The following ADGRL2 variants were observed in gnomAD, a reference collection of about 807,000 sequenced individuals.
ADGRL2 encodes calcium-independent alpha-latrotoxin receptor 2.
In ADGRL2, 44 loss-of-function variants were observed where a neutral mutation model predicts 157.4. That is an observed-to-expected ratio of 0.28 (90% confidence interval 0.22 to 0.36). The LOEUF is 0.36. Ranked by LOEUF, ADGRL2 falls within the 10% of genes least tolerant of loss-of-function variation. The pLI, the probability that ADGRL2 is intolerant of heterozygous loss-of-function variation, is 1.00. For missense variants in ADGRL2, 1,510 were observed against 1,768.9 expected (o/e 0.85, Z 2.63); for synonymous variants, 585 against 624.7 (o/e 0.94, Z 0.95).
chr1:81,324,138 G>A lies in ADGRL2; in HGVS notation c.-302+17629G>A, dbSNP rs542164569. 2.1e-4 allele frequency among the ~76,000 whole-genome samples: 32 copies of A among 152,244 alleles called. 1 individual carries two copies. The South Asian group carries it at 6.4e-3, about 31-fold the overall frequency. On this transcript the variant is annotated intron_variant, in intron 1 of 24. Transcript: ENST00000370721. ...AGCCCTTTAAGAGGCTATTGTAGTGGGAAAGACAGAGATGAAGGTCATTAG... is the reference window on the plus strand; with the variant it reads ...AGCCCTTTAAGAGGCTATTGTAGTGAGAAAGACAGAGATGAAGGTCATTAG...
At chr1:81,426,576 G>T in intron 1 of ADGRL2, 1 of 466,680 alleles carries the variant, frequency 2.1e-6, no homozygotes. Context: ...GTTTATTGGT[G>T]TTCTGAGCTT....
intron 3 of ADGRL2, among the ~76,000 whole-genome samples, chr1:81,931,211 C>A (rs2095223877): frequency 6.6e-6 from 1 of 152,032 alleles, no homozygotes; most frequent in South Asian, 2.1e-4. Flanking sequence ...TAGTTTATGA[C>A]CTATAAAGCA....
intron 1 of ADGRL2, among the ~76,000 whole-genome samples, chr1:81,828,430 CT>C (rs1214414929): frequency 6.6e-6 from 1 of 151,782 alleles, no homozygotes; most frequent in Admixed American, 6.6e-5. Context: ...CAGATTTTTG[CT>C]TTTCTTTATA....
chr1:81,412,289 T>C (rs1221156700), intron 1 of ADGRL2, among the ~76,000 whole-genome samples: 1 of 152,222 alleles, frequency 6.6e-6, no homozygotes, highest in Non-Finnish European at 1.5e-5. Context: ...CATTATTAAT[T>C]GAATCATTAT....
At chr1:81,750,529 C>T (rs2085456379) in intron 1 of ADGRL2, among the ~76,000 whole-genome samples, 1 of 152,060 alleles carries the variant, frequency 6.6e-6, no homozygotes, top group Admixed American at 6.5e-5. Flanking sequence ...CCAGCCTAGC[C>T]AAGATGGTGA....
At chr1:81,406,695 C>G (rs1024705830) in intron 1 of ADGRL2, among the ~76,000 whole-genome samples, 1 of 152,154 alleles carries the variant, frequency 6.6e-6, no homozygotes, top group African/African-American at 2.4e-5. Context: ...ACATTGTTGT[C>G]TGAGAGGAGT....
intron 2 of ADGRL2, among the ~76,000 whole-genome samples, chr1:81,579,708 G>A (rs772258967): frequency 2.0e-5 from 3 of 151,970 alleles, no homozygotes; most frequent in South Asian, 2.1e-4. Context: ...ATAAAATACA[G>A]TGCTTGCCAA....
rs528897445 is a variant in ADGRL2, at chr1:81,636,921, T to C, written c.-143+55941T>C. ...CGCGATCTTAGCTCACTGCAAGCTG[T>C]GCTTCCCTGGTTCAAGCAATTCTCC... On this transcript the variant is annotated intron_variant, in intron 3 of 24. Coordinates refer to the ADGRL2 transcript ENST00000370721. Among the ~76,000 whole-genome samples the C allele has an allele frequency of 9.2e-5, 14 of 152,288 alleles. 1 individual carries two copies. The highest frequency in any genetic ancestry group is 9.2e-4 in the Admixed American group (14 of 15,284).
intron 3 of ADGRL2, among the ~76,000 whole-genome samples, chr1:81,911,617 T>G (rs775017411): frequency 9.9e-5 from 15 of 152,166 alleles, no homozygotes; most frequent in Non-Finnish European, 1.9e-4. Flanking sequence ...TGACCTCAAG[T>G]TTTTAGCACT....
chr1:81,717,091 C>T (rs747691443), intron 1 of ADGRL2, among the ~76,000 whole-genome samples: 7 of 152,162 alleles, frequency 4.6e-5, no homozygotes, highest in South Asian at 2.1e-4. Flanking sequence ...TATTTAGCAT[C>T]GGTTGGTCAT....
chr1:81,643,918 C>G (rs907320642), intron 3 of ADGRL2, among the ~76,000 whole-genome samples: 2 of 152,006 alleles, frequency 1.3e-5, no homozygotes, highest in Admixed American at 6.6e-5. Context: ...CTAAAGTAAC[C>G]AACATAATAT....
chr1:81,389,534 T>G (rs151018695), intron 1 of ADGRL2, among the ~76,000 whole-genome samples: 1 of 152,298 alleles, frequency 6.6e-6, no homozygotes, highest in African/African-American at 2.4e-5. Flanking sequence ...TAAAGTTAAA[T>G]TAAATGACAG....
intron 2 of ADGRL2, among the ~76,000 whole-genome samples, chr1:81,467,093 C>T (rs895660503): frequency 1.3e-4 from 20 of 151,828 alleles, no homozygotes; most frequent in African/African-American, 4.8e-4. Context: ...TTGGTGTCCT[C>T]ATAATGTGGA....
intron 1 of ADGRL2, among the ~76,000 whole-genome samples, chr1:81,824,440 AT>A (rs527560149): frequency 1.3e-5 from 2 of 151,250 alleles, no homozygotes; most frequent in African/African-American, 4.9e-5. Flanking sequence ...ATGCCCAGCT[AT>A]TTTTTTTAAT....
At chr1:81,493,547 T>G (rs2078675751) in intron 2 of ADGRL2, among the ~76,000 whole-genome samples, 1 of 152,208 alleles carries the variant, frequency 6.6e-6, no homozygotes, top group African/African-American at 2.4e-5. Flanking sequence ...GTATGTTTCT[T>G]CCCGTTGTTG....
At chr1:81,763,154 T>C (rs1380422966) in intron 2 of ADGRL2, among the ~76,000 whole-genome samples, 8 of 150,858 alleles carry the variant, frequency 5.3e-5, no homozygotes. Context: ...CTATAATAAA[T>C]AGATATTGTT....
intron 1 of ADGRL2, among the ~76,000 whole-genome samples, chr1:81,821,364 T>C (rs1381711312): frequency 6.6e-6 from 1 of 152,128 alleles, no homozygotes; most frequent in Non-Finnish European, 1.5e-5. Context: ...TTAGAGACAT[T>C]TTCTGATATG....
intron 2 of ADGRL2, among the ~76,000 whole-genome samples, chr1:81,478,737 CTG>C (rs1346597211): frequency 3.9e-5 from 6 of 152,094 alleles, no homozygotes; most frequent in Non-Finnish European, 7.3e-5. Context: ...CACGATTTCT[CTG>C]TGGTTCAGAG....
At chr1:81,356,309 C>T (rs560826802) in intron 1 of ADGRL2, among the ~76,000 whole-genome samples, 2 of 152,196 alleles carry the variant, frequency 1.3e-5, no homozygotes. Context: ...TAATTCCTTT[C>T]AGAGAAGATT....
Sources: gnomAD v4.1 joint callset for allele counts (sites outside exome capture counted in the v4.1 genomes callset) on GRCh38, gnomAD v4.1.1 for gene constraint, MANE v1.5 for transcripts, NCBI Gene and HGNC (gene_info 2026-07-23, HGNC 2026-07-21) for gene names.